PGM1: variants seen among roughly 807,000 people sequenced by gnomAD.
The protein encoded by PGM1 is phosphoglucomutase 1.
In PGM1, 52 loss-of-function variants were observed where a neutral mutation model predicts 55.6. The observed-to-expected ratio is 0.94, with a 90% CI of 0.75 to 1.18. The LOEUF is 1.18. Among genes scored for constraint, PGM1 ranks in the 50% most tolerant of loss-of-function variants. The probability of loss-of-function intolerance (pLI) is 0.00; values close to 1 mark genes in which losing one functional copy is unlikely to be tolerated. For synonymous variants in PGM1, 287 were observed against 271.7 expected, an observed-to-expected ratio of 1.06 and a Z score of -0.55; for missense variants, 724 against 729.3, an observed-to-expected ratio of 0.99 and a Z score of 0.08.
In PGM1 at chr1:63,649,436, A is replaced by G. The variant is rs142382310; in HGVS notation, c.1280+784A>G. 4.5e-3 allele frequency among the ~76,000 whole-genome samples: 678 copies of G among 152,340 alleles called. 2 individuals are homozygous for G. Among genetic ancestry groups the G allele is most frequent in the Middle Eastern group, 0.024 (7 of 294 alleles). The stretch of plus-strand genomic sequence containing the variant: ...CCAGTTAGTGTAAAAATCTAACAAG[A>G]ATTTTTCTGGACCTCAGTATTCCAA... On this transcript the variant is annotated intron_variant, in intron 8 of 10. Coordinates refer to ENST00000371084, the MANE Select transcript of PGM1 (RefSeq NM_002633.3).
chr1:63,630,270 C>G (rs929734651), intron 3 of PGM1, among the ~76,000 whole-genome samples, 182 bp downstream of exon 3: 1 of 152,116 alleles, frequency 6.6e-6, no homozygotes, highest in Non-Finnish European at 1.5e-5. Flanking sequence ...GACCTGGGCT[C>G]CCTGGGCCCT....
intron 1 of PGM1, among the ~76,000 whole-genome samples, chr1:63,610,692 C>G (rs1367093101): frequency 2.6e-5 from 4 of 152,156 alleles, no homozygotes; most frequent in Non-Finnish European, 5.9e-5. Context: ...AATGACCTGT[C>G]AAGATGCTCT....
Position 63,659,642 on chromosome 1 carries a change from G to A in PGM1, c.1656G>A (p.Arg552=). 6.2e-7 allele frequency: 1 copy of A among 1,614,054 alleles called. No individual in the cohort carries two copies. Among genetic ancestry groups the A allele is most frequent in the Non-Finnish European group, 8.5e-7 (1 of 1,179,984 alleles). ...IALKVSQLQE[R]TGRTAPTVIT is the part of the protein sequence containing the mutation. ...TGAAAGTGTCCCAGCTGCAGGAGAG[G>A]ACGGGACGCACTGCACCCACTGTCA... The change falls in exon 11 of 11, where the codon AGG becomes AGA. Residue 552 remains arginine, a synonymous_variant. Transcript: ENST00000371084.
chr1:63,597,208 G>A (rs1029155388), intron 1 of PGM1, among the ~76,000 whole-genome samples: 2 of 152,262 alleles, frequency 1.3e-5, no homozygotes, highest in African/African-American at 2.4e-5. Flanking sequence ...GGTGGTAGCC[G>A]AATTGAGTCT....
chr1:63,659,528 G>A, intron 10 of PGM1, 58 bp from the exon 11 acceptor site: 1 of 1,395,630 alleles, frequency 7.2e-7, no homozygotes, highest in South Asian at 1.2e-5. Context: ...CGGGTTTGGA[G>A]CTAAGCATCT....
At chr1:63,636,181 A>G in intron 5 of PGM1, 53 bp from the exon 6 acceptor site, 1 of 1,541,240 alleles carries the variant, frequency 6.5e-7, no homozygotes. Flanking sequence ...AGATAGTTTG[A>G]TTTCTTATAG....
At chr1:63,651,977 C>G in intron 9 of PGM1, 125 bp downstream of exon 9, 1 of 864,586 alleles carries the variant, frequency 1.2e-6, no homozygotes, top group Non-Finnish European at 1.9e-6. Context: ...TCTAGGGTAG[C>G]TGTTCTTACC....
intron 3 of PGM1, 88 bp from the exon 4 acceptor site, chr1:63,631,569 C>T (rs1649194266): frequency 2.4e-6 from 3 of 1,230,416 alleles, no homozygotes; most frequent in Non-Finnish European, 3.6e-6. Flanking sequence ...ATAGCAATAG[C>T]AGGTTTACAG....
chr1:63,649,860 A>T (rs998174292), intron 8 of PGM1, among the ~76,000 whole-genome samples: 3 of 152,196 alleles, frequency 2.0e-5, no homozygotes, highest in African/African-American at 7.2e-5. Flanking sequence ...AACTGTCTAG[A>T]ACCTAGAGTA....
rs1419409628 is a variant in PGM1 at position 63,629,544 on chromosome 1, C to T, written c.366C>T (p.Gly122=). 6 of 1,613,768 alleles carry T rather than the reference C, an allele frequency of 3.7e-6. No individual in the cohort carries two copies. Among genetic ancestry groups the T allele is most frequent in the Admixed American group, 1.7e-5 (1 of 59,998 alleles). The change falls in exon 2 of 11, where the codon GGC becomes GGT. Residue 122 remains glycine (G), a synonymous_variant. Transcript: ENST00000371084. ...TGACAGCCAGTCACAACCCAGGGGG[C>T]CCCAATGGAGATTTTGGAATCAAAT... ...IILTASHNPG[G]PNGDFGIKFN... is the part of the protein sequence containing the mutation.
At chr1:63,607,183 G>T (rs907199885) in intron 1 of PGM1, among the ~76,000 whole-genome samples, 2 of 152,164 alleles carry the variant, frequency 1.3e-5, no homozygotes, top group Non-Finnish European at 2.9e-5. Flanking sequence ...CTCTACGTTT[G>T]TGTGGGTAGA....
intron 1 of PGM1, among the ~76,000 whole-genome samples, chr1:63,608,011 A>T (rs1395109630): frequency 2.0e-5 from 3 of 152,246 alleles, no homozygotes. Flanking sequence ...ACTTTCAAAG[A>T]AAGTGCCGCA....
intron 7 of PGM1, among the ~76,000 whole-genome samples, chr1:63,647,209 C>G (rs936754769): frequency 9.2e-5 from 13 of 142,018 alleles, no homozygotes; most frequent in Admixed American, 1.4e-4. Context: ...TGCCACTTTA[C>G]TCCAGCCTGG....
intron 1 of PGM1, among the ~76,000 whole-genome samples, chr1:63,612,585 C>T (rs74798759): frequency 0.021 from 3,176 of 152,244 alleles, 48 homozygotes; most frequent in Middle Eastern, 0.085. Flanking sequence ...CTCTTACTCT[C>T]ACCACTTTTC....
At chr1:63,609,890 AG>A (rs1471508667) in intron 1 of PGM1, among the ~76,000 whole-genome samples, 1 of 152,152 alleles carries the variant, frequency 6.6e-6, no homozygotes. Flanking sequence ...GATGTTTGGT[AG>A]GTTAGGTGGA....
chr1:63,601,938 A>G (rs1442204676), intron 1 of PGM1, among the ~76,000 whole-genome samples: 1 of 152,184 alleles, frequency 6.6e-6, no homozygotes, highest in Admixed American at 6.5e-5. Context: ...TGAATCAGAA[A>G]CACTTGGAAA....
Position 63,654,473 on chromosome 1 carries a change from C to T in PGM1, c.1599+7C>T. The T allele has an allele frequency of 6.2e-7, 1 of 1,613,784 alleles. No individual in the cohort carries two copies. The highest frequency in any genetic ancestry group is 2.2e-5 in the East Asian group (1 of 44,860). On this transcript the variant is annotated splice_region_variant and intron_variant, in intron 10 of 10. Coordinates refer to ENST00000371084, the MANE Select transcript of PGM1 (RefSeq NM_002633.3). ...GATTAACCAGGACCCCCAGGTAACGCCCAGCCCTGTGCCCTGGTTAGTTCT... is the reference window on the plus strand; with the variant it reads ...GATTAACCAGGACCCCCAGGTAACGTCCAGCCCTGTGCCCTGGTTAGTTCT...
In PGM1 at chr1:63,659,825, C is replaced by T. The variant is rs1331981588; in HGVS notation, c.*150C>T. On this transcript the variant is annotated 3_prime_UTR_variant, in exon 11 of 11. Transcript: ENST00000371084. Reference sequence around the variant, plus strand: ...GTTGACGAGCAGTGCATTTACAAGGCACTGCCAAACAAGATGCCCTTGGGA... The same window carrying T: ...GTTGACGAGCAGTGCATTTACAAGGTACTGCCAAACAAGATGCCCTTGGGA... 1 of 692,996 alleles carries T rather than the reference C, an allele frequency of 1.4e-6. No homozygotes were observed. Among genetic ancestry groups the T allele is most frequent in the Admixed American group, 2.0e-5 (1 of 49,112 alleles). 42.9% of individuals were successfully genotyped at this position (692,996 alleles called of 1,614,324 possible).
rs1392300515 is a variant in PGM1 at position 63,659,896 on chromosome 1, C to T, written c.*221C>T. 3 of 620,990 alleles carry T rather than the reference C, an allele frequency of 4.8e-6. No homozygotes were observed. Among genetic ancestry groups the T allele is most frequent in the Non-Finnish European group, 8.8e-6 (3 of 342,518 alleles). The allele number at this position is 620,990 out of a possible 1,614,324, so 38.5% of individuals were successfully genotyped here. ...TGCGGGCTTAGATCAATCTCAATTC[C>T]TTTTCATGCCCTCCTGCATTGCTGC... is the stretch of plus-strand genomic sequence containing the variant. On this transcript the variant is annotated 3_prime_UTR_variant, in exon 11 of 11. Coordinates refer to ENST00000371084, the MANE Select transcript of PGM1 (RefSeq NM_002633.3).
Sources: allele counts gnomAD v4.1 joint callset (sites outside exome capture counted in the v4.1 genomes callset), GRCh38; gene constraint gnomAD v4.1.1; transcripts MANE v1.5; gene names NCBI Gene and HGNC (gene_info 2026-07-23, HGNC 2026-07-21).